CDHR3: variants seen among roughly 807,000 people sequenced by gnomAD.
The protein encoded by CDHR3 is cadherin related family member 3.
Under a neutral mutation model 86.6 loss-of-function variants are expected in CDHR3, and 79 were observed. That is an observed-to-expected ratio of 0.91 (90% CI 0.76 to 1.10). The LOEUF (loss-of-function observed/expected upper bound fraction) is 1.10. Ranked by LOEUF, CDHR3 falls within the 50% of genes least tolerant of loss-of-function variation. CDHR3 has a pLI of 0.00. For synonymous variants in CDHR3, 421 were observed against 402.4 expected (o/e 1.05, Z -0.55); for missense variants, 1,081 against 1,077.6 (o/e 1.00, Z -0.04).
At chr7:106,012,632 G>A (rs568277890) in intron 8 of CDHR3, among the ~76,000 whole-genome samples, 10 of 152,308 alleles carry the variant, frequency 6.6e-5, no homozygotes, top group African/African-American at 2.4e-4. Context: ...GCAGAGGAGT[G>A]ACGTGATCTG....
chr7:105,969,899 G>GT (rs972879308), intron 1 of CDHR3, among the ~76,000 whole-genome samples: 1 of 152,134 alleles, frequency 6.6e-6, no homozygotes, highest in African/African-American at 2.4e-5. Context: ...TACTGTTAAT[G>GT]TAGCACCATA....
chr7:105,984,633 G>A (rs1428036740), intron 4 of CDHR3, among the ~76,000 whole-genome samples: 1 of 152,080 alleles, frequency 6.6e-6, no homozygotes, highest in Non-Finnish European at 1.5e-5. Flanking sequence ...GTGCAGTGCC[G>A]GGTGTATCAA....
chr7:105,970,258 G>C (rs563822146), intron 1 of CDHR3, among the ~76,000 whole-genome samples: 174 of 152,228 alleles, frequency 1.1e-3, no homozygotes, highest in African/African-American at 3.9e-3. Flanking sequence ...CCTCCTCTCT[G>C]AGACTGTGGA....
At chr7:106,003,793 G>T (rs924470480) in intron 7 of CDHR3, among the ~76,000 whole-genome samples, 3 of 152,030 alleles carry the variant, frequency 2.0e-5, no homozygotes, top group African/African-American at 7.3e-5. Flanking sequence ...GGCAATAATT[G>T]TGCACTGCCT....
chr7:105,984,894 AC>A (rs1830292957), intron 4 of CDHR3, among the ~76,000 whole-genome samples: 1 of 152,118 alleles, frequency 6.6e-6, no homozygotes, highest in Admixed American at 6.6e-5. Flanking sequence ...CCTCGTCTCT[AC>A]AAAAAATAAA....
intron 8 of CDHR3, among the ~76,000 whole-genome samples, chr7:106,008,176 A>G (rs1202526268): frequency 6.6e-6 from 1 of 152,174 alleles, no homozygotes; most frequent in Non-Finnish European, 1.5e-5. Context: ...GGAGTTCAAG[A>G]TGAGATTTGG....
intron 6 of CDHR3, among the ~76,000 whole-genome samples, 184 bp downstream of exon 6, chr7:105,996,538 T>G (rs1233533296): frequency 1.3e-5 from 2 of 152,346 alleles, no homozygotes; most frequent in African/African-American, 4.8e-5. Context: ...TTTCCACCTT[T>G]GCTGCCTCTG....
intron 14 of CDHR3, among the ~76,000 whole-genome samples, chr7:106,022,945 T>A (rs1467363687): frequency 6.6e-6 from 1 of 152,190 alleles, no homozygotes; most frequent in Non-Finnish European, 1.5e-5. Flanking sequence ...CCAAAAAAAT[T>A]CATCCAATCT....
At position 106,017,861 on chromosome 7, in the gene CDHR3, G is replaced by A. The variant is rs1376682464; in HGVS notation, c.1442G>A (p.Gly481Glu). 4.4e-6 allele frequency: 7 copies of A among 1,583,540 alleles called. No individual in the cohort carries two copies. The highest frequency in any genetic ancestry group is 6.0e-6 in the Non-Finnish European group (7 of 1,164,984). Residue 481 changes from glycine (G) to glutamate (E), a missense_variant, in exon 12 of 19, where the codon GGA becomes GAA. Coordinates refer to ENST00000317716, the MANE Select transcript of CDHR3 (RefSeq NM_152750.5). ...SERRPARTRV[G>E]QVRATDKDLP... Reference sequence around the variant, plus strand: ...ATTCCTCCAGCCAGAACCCGAGTGGGACAGGTGCGAGCCACTGATAAAGAC... The same window carrying A: ...ATTCCTCCAGCCAGAACCCGAGTGGAACAGGTGCGAGCCACTGATAAAGAC...
intron 14 of CDHR3, among the ~76,000 whole-genome samples, chr7:106,023,459 A>T (rs1836881342): frequency 6.6e-6 from 1 of 152,140 alleles, no homozygotes; most frequent in Non-Finnish European, 1.5e-5. Flanking sequence ...AGAGCCTTGA[A>T]TCTGACAACA....
chr7:105,981,980 C>T (rs1209443242), intron 3 of CDHR3, among the ~76,000 whole-genome samples: 1 of 152,090 alleles, frequency 6.6e-6, no homozygotes, highest in Non-Finnish European at 1.5e-5. Flanking sequence ...GCATCACTAC[C>T]ACCATGGTCC....
In CDHR3 at chr7:105,984,199, C is replaced by T. The variant is rs745913152; in HGVS notation, c.423C>T (p.His141=). 9 of 1,602,966 alleles carry T rather than the reference C, an allele frequency of 5.6e-6. No homozygotes were observed. In the South Asian group the frequency reaches 8.9e-5, roughly 16 times the overall value. The change falls in exon 4 of 19, where the codon CAC becomes CAT. Residue 141 remains histidine (H), a synonymous_variant. Coordinates refer to ENST00000317716, the MANE Select transcript of CDHR3 (RefSeq NM_152750.5). ...CTTTGGACACTGGTCTAGGTCTACA[C>T]CTCTACATAGTAGAAAGAGCAAACC... ...QFQGNLAEGL[H]LYIVERANPG...
chr7:105,970,029 G>A (rs558667409), intron 1 of CDHR3, among the ~76,000 whole-genome samples: 1 of 152,168 alleles, frequency 6.6e-6, no homozygotes, highest in East Asian at 1.9e-4. Flanking sequence ...CAAATCTCTC[G>A]TTCTTTTCAC....
At chr7:105,975,230 G>A (rs965138486) in intron 2 of CDHR3, among the ~76,000 whole-genome samples, 184 bp downstream of exon 2, 1 of 152,158 alleles carries the variant, frequency 6.6e-6, no homozygotes, top group Non-Finnish European at 1.5e-5. Context: ...TGTAGCCTTT[G>A]GACCTTCCCC....
intron 1 of CDHR3, among the ~76,000 whole-genome samples, chr7:105,968,785 T>C (rs3847073): frequency 0.27 from 40,686 of 152,168 alleles, 6,094 homozygotes; most frequent in East Asian, 0.68. Context: ...GCATGAAGCA[T>C]GCTGATTAAT....
chr7:105,992,083 T>G (rs142803554), intron 4 of CDHR3, among the ~76,000 whole-genome samples: 1 of 152,312 alleles, frequency 6.6e-6, no homozygotes, highest in African/African-American at 2.4e-5. Flanking sequence ...ATATCCTGTA[T>G]GTATCCCCTT....
chr7:105,993,156 A>G (rs1046336726), intron 4 of CDHR3, among the ~76,000 whole-genome samples: 8 of 152,230 alleles, frequency 5.3e-5, no homozygotes, highest in Non-Finnish European at 1.5e-5. Context: ...GGCCTTGAGG[A>G]TAGAACATCC....
chr7:106,011,249 C>T (rs1417853879), intron 8 of CDHR3, among the ~76,000 whole-genome samples: 1 of 152,204 alleles, frequency 6.6e-6, no homozygotes, highest in Non-Finnish European at 1.5e-5. Context: ...TTGCTATTAG[C>T]TCCATCAAGA....
chr7:106,020,589 C>A lies in CDHR3; in HGVS notation c.1825+45C>A, dbSNP rs749910824. On this transcript the variant is annotated intron_variant, in intron 13 of 18. Coordinates refer to ENST00000317716, the MANE Select transcript of CDHR3 (RefSeq NM_152750.5). ...CAATCCTGGCCCTGTCTCTGAGGAC[C>A]CTGAAGTTGTCTAGGGTAGGGGTCT... The A allele has an allele frequency of 3.8e-6, 6 of 1,580,988 alleles. No individual in the cohort carries two copies. In the South Asian group the frequency reaches 7.0e-5, roughly 18 times the overall value.
Sources: gnomAD v4.1 joint callset for allele counts (sites outside exome capture counted in the v4.1 genomes callset) on GRCh38, gnomAD v4.1.1 for gene constraint, MANE v1.5 for transcripts, NCBI Gene and HGNC (gene_info 2026-07-23, HGNC 2026-07-21) for gene names.